Variants in NRP1 observed in about 807,000 individuals in gnomAD.
NRP1 encodes the protein neuropilin-1.
NRP1 carries 35 observed loss-of-function variants against 106.7 expected under a neutral mutation model. The observed-to-expected ratio is 0.33, with a 90% CI of 0.25 to 0.43. The LOEUF (loss-of-function observed/expected upper bound fraction) is 0.43, where lower values mean the gene tolerates loss of function less well. Among genes scored for constraint, NRP1 ranks in the 20% least tolerant of loss-of-function variants. The pLI, the probability that NRP1 is intolerant of heterozygous loss-of-function variation, is 1.00. For missense variants in NRP1, 1,024 were observed against 1,170.4 expected, an observed-to-expected ratio of 0.87 and a Z score of 1.83; for synonymous variants, 437 against 417.9, an observed-to-expected ratio of 1.05 and a Z score of -0.56.
intron 6 of NRP1, among the ~76,000 whole-genome samples, chr10:33,242,823 A>G (rs575454733): frequency 6.6e-6 from 1 of 152,330 alleles, no homozygotes; most frequent in South Asian, 2.1e-4. Context: ...CACCAAGGCT[A>G]GACAGATAAG....
chr10:33,209,823 C>G (rs997946347), intron 9 of NRP1, among the ~76,000 whole-genome samples: 25 of 152,242 alleles, frequency 1.6e-4, no homozygotes, highest in African/African-American at 5.5e-4. Context: ...CAAGAAACAT[C>G]TATGCCCAAG....
chr10:33,324,825 A>G (rs1244857568), intron 2 of NRP1, among the ~76,000 whole-genome samples: 1 of 152,062 alleles, frequency 6.6e-6, no homozygotes, highest in Non-Finnish European at 1.5e-5. Flanking sequence ...TTTAGTAGAG[A>G]CGGGGTTTCA....
intron 9 of NRP1, among the ~76,000 whole-genome samples, chr10:33,209,061 T>C (rs765060910): frequency 4.0e-5 from 6 of 151,058 alleles, no homozygotes; most frequent in Non-Finnish European, 7.4e-5. Flanking sequence ...TGCACACCAA[T>C]ATGTCCGGCT....
intron 2 of NRP1, among the ~76,000 whole-genome samples, chr10:33,284,818 C>T (rs144669141): frequency 2.6e-5 from 4 of 152,182 alleles, no homozygotes; most frequent in African/African-American, 9.7e-5. Flanking sequence ...CCAACATACG[C>T]CAATCTCATT....
chr10:33,334,495 A>G lies in NRP1; in HGVS notation c.-113T>C, dbSNP rs546794255. 8.0e-6 allele frequency: 7 copies of G among 874,836 alleles called. No individual in the cohort carries two copies. The Admixed American group carries it at 1.8e-4, about 22-fold the overall frequency. The allele number at this position is 874,836 out of a possible 1,614,324, so 54.2% of individuals were successfully genotyped here. A position where few individuals can be genotyped will look rare whatever the true frequency, so the allele number is the denominator to read the frequency against. On this transcript the variant is annotated 5_prime_UTR_variant, in exon 1 of 17. Transcript: ENST00000374867. The stretch of plus-strand genomic sequence containing the variant: ...GAGCCCCAACTCCGCCTAGAGCTGT[A>G]CAATCCTCAGCCCGTCTTGGAGAAA...
chr10:33,192,852 A>G (rs1836509060), intron 12 of NRP1, among the ~76,000 whole-genome samples: 1 of 152,234 alleles, frequency 6.6e-6, no homozygotes, highest in Admixed American at 6.5e-5. Flanking sequence ...TGAAGCCTCA[A>G]AAGTGGAAAG....
chr10:33,288,834 T>C (rs1245677170), intron 2 of NRP1, among the ~76,000 whole-genome samples: 1 of 152,052 alleles, frequency 6.6e-6, no homozygotes, highest in Non-Finnish European at 1.5e-5. Context: ...AATTAGGGAG[T>C]AGGAGCCAAG....
intron 13 of NRP1, among the ~76,000 whole-genome samples, chr10:33,191,439 C>T (rs1836406451): frequency 1.3e-5 from 2 of 152,166 alleles, no homozygotes; most frequent in South Asian, 4.1e-4. Flanking sequence ...CCCCACCTCC[C>T]CTTCAAGGGT....
At chr10:33,197,507 A>G (rs1001874031) in intron 12 of NRP1, 143 bp downstream of exon 12, 3 of 519,756 alleles carry the variant, frequency 5.8e-6, no homozygotes, top group African/African-American at 2.0e-5. Flanking sequence ...AAGGAAAGCA[A>G]TATTTATGGC....
chr10:33,221,199 A>C (rs1323513029), intron 8 of NRP1, among the ~76,000 whole-genome samples: 1 of 152,218 alleles, frequency 6.6e-6, no homozygotes, highest in East Asian at 1.9e-4. Context: ...TGACAGAGCA[A>C]GACCCTGTCT....
rs534598934 is a variant in NRP1 at position 33,278,056 on chromosome 10, A to G, written c.249-7200T>C. Among the ~76,000 whole-genome samples the G allele has an allele frequency of 1.9e-4, 29 of 152,246 alleles. No homozygotes were observed. In the East Asian group the frequency reaches 3.7e-3, roughly 19 times the overall value. On this transcript the variant is annotated intron_variant, in intron 2 of 16. Coordinates refer to ENST00000374867, the MANE Select transcript of NRP1 (RefSeq NM_003873.7). ...ACAAATCTAACTTCTAAACCATAGC[A>G]TTACTACTTCTATACTTTGCGATGT...
chr10:33,225,695 A>C (rs572140078), intron 7 of NRP1, among the ~76,000 whole-genome samples: 1 of 152,300 alleles, frequency 6.6e-6, no homozygotes, highest in South Asian at 2.1e-4. Flanking sequence ...TGCACTTGTA[A>C]ATTAGTTTGT....
At chr10:33,262,603 T>C (rs985968446) in intron 4 of NRP1, among the ~76,000 whole-genome samples, 5 of 149,974 alleles carry the variant, frequency 3.3e-5, no homozygotes, top group African/African-American at 1.2e-4. Flanking sequence ...CTCGGGAGGC[T>C]GAGGCAGAAG....
At chr10:33,292,440 A>T (rs1363058436) in intron 2 of NRP1, among the ~76,000 whole-genome samples, 1 of 152,134 alleles carries the variant, frequency 6.6e-6, no homozygotes, top group Non-Finnish European at 1.5e-5. Flanking sequence ...TAAAATCTTC[A>T]TTCAAAAAAA....
intron 1 of NRP1, 79 bp downstream of exon 1, chr10:33,334,230 GC>G: frequency 1.5e-6 from 2 of 1,321,416 alleles, no homozygotes; most frequent in Non-Finnish European, 2.1e-6. Flanking sequence ...ATCCCGGGAA[GC>G]CCCGCCTGAG....
Position 33,233,144 on chromosome 10 carries a change from C to T in NRP1, c.982-6855G>A, listed in dbSNP as rs188915286. Among the ~76,000 whole-genome samples the T allele has an allele frequency of 1.6e-3, 238 of 152,202 alleles. 1 individual carries two copies. Among genetic ancestry groups the T allele is most frequent in the Non-Finnish European group, 2.9e-3 (196 of 68,018 alleles). On this transcript the variant is annotated intron_variant, in intron 6 of 16. Coordinates refer to ENST00000374867, the MANE Select transcript of NRP1 (RefSeq NM_003873.7). ...TTGTTAGCAGATACAGAAGAGGAAACCCCAAGCCTTTCCTTCTGGGTGGGG... is the reference window on the plus strand; with the variant it reads ...TTGTTAGCAGATACAGAAGAGGAAATCCCAAGCCTTTCCTTCTGGGTGGGG...
chr10:33,218,406 C>A (rs1476376769), intron 8 of NRP1, among the ~76,000 whole-genome samples: 1 of 150,080 alleles, frequency 6.7e-6, no homozygotes, highest in Non-Finnish European at 1.5e-5. Context: ...TGGCCAGTGG[C>A]ACAATCTCGG....
chr10:33,300,096 G>C (rs1341259260), intron 2 of NRP1, among the ~76,000 whole-genome samples: 2 of 152,170 alleles, frequency 1.3e-5, no homozygotes, highest in Non-Finnish European at 2.9e-5. Flanking sequence ...CTGTATTCCT[G>C]TACAACCTGC....
Position 33,219,279 on chromosome 10 carries a change from T to C in NRP1, c.1282+2440A>G, listed in dbSNP as rs193169941. On this transcript the variant is annotated intron_variant, in intron 8 of 16. Coordinates refer to ENST00000374867, the MANE Select transcript of NRP1 (RefSeq NM_003873.7). ...ACAGACCAGAAAACGGAGATCAGAGTGAGTCTCAATGTCTTATCCATGGTC... is the reference window on the plus strand; with the variant it reads ...ACAGACCAGAAAACGGAGATCAGAGCGAGTCTCAATGTCTTATCCATGGTC... 2.0e-5 allele frequency among the ~76,000 whole-genome samples: 3 copies of C among 152,202 alleles called. No individual in the cohort carries two copies. In the East Asian group the frequency reaches 5.8e-4, roughly 29 times the overall value.
Sources: gnomAD v4.1 joint callset for allele counts (sites outside exome capture counted in the v4.1 genomes callset) on GRCh38, gnomAD v4.1.1 for gene constraint, MANE v1.5 for transcripts, NCBI Gene and HGNC (gene_info 2026-07-23, HGNC 2026-07-21) for gene names.